The following LGSN variants were observed in gnomAD, a reference collection of about 807,000 sequenced individuals.
LGSN encodes lengsin.
A neutral mutation model predicts 19.5 loss-of-function variants in LGSN; 21 were observed. The ratio of observed to expected loss-of-function variants is 1.07; its 90% CI spans 0.76 to 1.55. The LOEUF is 1.55. LGSN is among the 40% of genes most tolerant of loss of function. The probability of loss-of-function intolerance (pLI) is 0.00; values close to 1 mark genes in which losing one functional copy is unlikely to be tolerated. For missense variants in LGSN, 673 were observed against 608.5 expected (o/e 1.11, Z -1.12); for synonymous variants, 257 against 215.6 (o/e 1.19, Z -1.68).
chr6:63,427,197 A>G, the LGSN span, among the ~76,000 whole-genome samples: 1 of 151,936 alleles, frequency 6.6e-6, no homozygotes, highest in Non-Finnish European at 1.5e-5. Flanking sequence ...GCCATGTGCC[A>G]CCACACCTGG....
chr6:63,321,562 A>AT (rs941808522), upstream of LGSN, among the ~76,000 whole-genome samples: 19 of 152,094 alleles, frequency 1.2e-4, no homozygotes, highest in African/African-American at 2.9e-4. Flanking sequence ...TGTATCCATG[A>AT]TTTTTTTATA....
At chr6:63,481,320 C>T in the LGSN span, among the ~76,000 whole-genome samples, 1 of 151,098 alleles carries the variant, frequency 6.6e-6, no homozygotes, top group East Asian at 2.0e-4. Flanking sequence ...TTCATGCATG[C>T]AACAAAAACC....
At chr6:63,296,912 AG>A (rs1466137866) in intron 1 of LGSN, among the ~76,000 whole-genome samples, 2 of 152,108 alleles carry the variant, frequency 1.3e-5, no homozygotes, top group Admixed American at 6.6e-5. Flanking sequence ...GCTTCCTAAA[AG>A]CCAGAGATCC....
chr6:63,338,938 G>A, the LGSN span, among the ~76,000 whole-genome samples: 1 of 152,040 alleles, frequency 6.6e-6, no homozygotes, highest in African/African-American at 2.4e-5. Context: ...TTATTATTAA[G>A]AAGCATGGTG....
the LGSN span, among the ~76,000 whole-genome samples, chr6:63,477,698 T>C: frequency 1.6e-5 from 2 of 127,104 alleles, no homozygotes; most frequent in African/African-American, 3.1e-5. Flanking sequence ...TTTTTTTTTT[T>C]TTTTTTTTTT....
At chr6:63,325,160 C>A in the LGSN span, among the ~76,000 whole-genome samples, 1 of 149,122 alleles carries the variant, frequency 6.7e-6, no homozygotes, top group South Asian at 2.1e-4. Flanking sequence ...AATGATGCAC[C>A]TTAAGGAACT....
At chr6:63,358,263 G>T in the LGSN span, among the ~76,000 whole-genome samples, 1 of 152,226 alleles carries the variant, frequency 6.6e-6, no homozygotes, top group Admixed American at 6.5e-5. Flanking sequence ...AAGTCAGGTA[G>T]CATGATGCCT....
intron 1 of LGSN, among the ~76,000 whole-genome samples, chr6:63,313,952 G>A (rs1342260942): frequency 6.6e-6 from 1 of 151,850 alleles, no homozygotes; most frequent in East Asian, 1.9e-4. Flanking sequence ...CAAAAAAGGA[G>A]ATGTAGGAGA....
the LGSN span, among the ~76,000 whole-genome samples, chr6:63,442,559 G>A: frequency 6.6e-6 from 1 of 152,004 alleles, no homozygotes; most frequent in South Asian, 2.1e-4. Flanking sequence ...CACTAGATTA[G>A]CTAGACACAG....
At chr6:63,364,705 A>T in the LGSN span, among the ~76,000 whole-genome samples, 1 of 149,322 alleles carries the variant, frequency 6.7e-6, no homozygotes, top group Non-Finnish European at 1.5e-5. Flanking sequence ...TCCTCAGCAA[A>T]TGTAAAAGAA....
intron 1 of LGSN, among the ~76,000 whole-genome samples, chr6:63,306,643 G>A (rs1190098706): frequency 6.6e-6 from 1 of 152,140 alleles, no homozygotes; most frequent in Non-Finnish European, 1.5e-5. Context: ...GGGCCTCCAT[G>A]TTGTAAAGAA....
the LGSN span, among the ~76,000 whole-genome samples, chr6:63,349,462 T>A: frequency 6.6e-6 from 1 of 152,336 alleles, no homozygotes; most frequent in African/African-American, 2.4e-5. Flanking sequence ...TGAAAAGATT[T>A]GTGATGTGGC....
chr6:63,465,380 C>T, the LGSN span, among the ~76,000 whole-genome samples: 1 of 152,072 alleles, frequency 6.6e-6, no homozygotes, highest in Admixed American at 6.6e-5. Context: ...TGGAGTTTCG[C>T]CATGTTGACC....
At chr6:63,529,161 GTGTATATATATATA>G in the LGSN span, among the ~76,000 whole-genome samples, 1 of 102,144 alleles carries the variant, frequency 9.8e-6, no homozygotes, top group Non-Finnish European at 1.9e-5. Flanking sequence ...ATATATATGT[GTGTATATATATATA>G]TGTATATATA....
chr6:63,377,967 A>C, the LGSN span, among the ~76,000 whole-genome samples: 1 of 150,948 alleles, frequency 6.6e-6, no homozygotes, highest in Non-Finnish European at 1.5e-5. Flanking sequence ...CAAGAAAGAA[A>C]AACAGCCTTA....
the LGSN span, among the ~76,000 whole-genome samples, chr6:63,456,641 A>G: frequency 1.3e-5 from 2 of 151,874 alleles, no homozygotes; most frequent in Admixed American, 1.3e-4. Context: ...CTCATACTCA[A>G]TAGAGCCTCC....
At chr6:63,366,729 T>G in the LGSN span, among the ~76,000 whole-genome samples, 1 of 152,198 alleles carries the variant, frequency 6.6e-6, no homozygotes, top group East Asian at 1.9e-4. Flanking sequence ...ATGGTACTGG[T>G]AGCAAAACAT....
the LGSN span, among the ~76,000 whole-genome samples, chr6:63,333,443 A>AGGGAAGGGGAGGAGAG: frequency 6.7e-6 from 1 of 150,042 alleles, no homozygotes; most frequent in Non-Finnish European, 1.5e-5. Context: ...AAAAGAAAAG[A>AGGGAAGGGGAGGAGAG]GGGAAGGGGA....
At chr6:63,558,233 A>G in the LGSN span, among the ~76,000 whole-genome samples, 1 of 152,148 alleles carries the variant, frequency 6.6e-6, no homozygotes. Context: ...GAATTAAGTT[A>G]TTGCAATACA....
Sources: allele counts gnomAD v4.1 joint callset (sites outside exome capture counted in the v4.1 genomes callset), GRCh38; gene constraint gnomAD v4.1.1; transcripts MANE v1.5; gene names NCBI Gene and HGNC (gene_info 2026-07-23, HGNC 2026-07-21).